The following SNX16 variants were observed in gnomAD, a reference collection of about 807,000 sequenced individuals.
The protein encoded by SNX16 is sorting nexin 16.
A neutral mutation model predicts 36.7 loss-of-function variants in SNX16; 35 were observed. The ratio of observed to expected loss-of-function variants is 0.95; its 90% CI spans 0.73 to 1.27. The LOEUF (loss-of-function observed/expected upper bound fraction) is 1.27, where lower values mean the gene tolerates loss of function less well. SNX16 is among the 50% of genes most tolerant of loss of function. SNX16 has a pLI of 0.00. For missense variants in SNX16, 367 were observed against 393.6 expected (o/e 0.93, Z 0.57); for synonymous variants, 134 against 132.0 (o/e 1.02, Z -0.10).
chr8:81,800,651 T>C lies in SNX16; in HGVS notation c.*846A>G, dbSNP rs1209990423. 6.6e-6 allele frequency: 1 copy of C among 152,246 alleles called. No homozygotes were observed. The highest frequency in any genetic ancestry group is 1.5e-5 in the Non-Finnish European group (1 of 67,690). The allele number at this position is 152,246 out of a possible 1,614,324, so 9.4% of individuals were successfully genotyped here. A position where few individuals can be genotyped will look rare whatever the true frequency, so the allele number is the denominator to read the frequency against. On this transcript the variant is annotated 3_prime_UTR_variant, in exon 8 of 8. Coordinates refer to ENST00000345957, the MANE Select transcript of SNX16 (RefSeq NM_152836.3). ...AGCCAGTTAGGAACTTTGCAGTATA[T>C]ATGGCTTTTTATTTTCTTTTTTGTA...
In SNX16 at chr8:81,801,490, T is replaced by A. The variant is rs976295500; in HGVS notation, c.*7A>T. The A allele has an allele frequency of 1.9e-6, 3 of 1,545,370 alleles. No homozygotes were observed. The highest frequency in any genetic ancestry group is 2.7e-5 in the African/African-American group (2 of 72,804). On this transcript the variant is annotated 3_prime_UTR_variant, in exon 8 of 8. Transcript: ENST00000345957. ...TAGTCTAAATGGAGGGAACTGCTTG[T>A]GATACATTAGTCTTCTTCAGCATCA...
intron 4 of SNX16, among the ~76,000 whole-genome samples, chr8:81,817,404 G>A (rs1052904970): frequency 2.6e-5 from 4 of 152,114 alleles, no homozygotes; most frequent in Non-Finnish European, 4.4e-5. Context: ...TCCAGCTGGA[G>A]GAATCATTTT....
chr8:81,813,337 T>G (rs954733319), intron 5 of SNX16, among the ~76,000 whole-genome samples: 42 of 151,908 alleles, frequency 2.8e-4, no homozygotes, highest in African/African-American at 9.9e-4. Flanking sequence ...TCATTTGATT[T>G]CTGACAGAAG....
Position 81,801,249 on chromosome 8 carries a change from T to G in SNX16, c.*248A>C. ...GCACAGTATTTAAGAATGTGGGCCT[T>G]GATAACAGAATTCCAACAAGATTTT... On this transcript the variant is annotated 3_prime_UTR_variant, in exon 8 of 8. Coordinates refer to ENST00000345957, the MANE Select transcript of SNX16 (RefSeq NM_152836.3). The G allele has an allele frequency of 3.1e-6, 1 of 321,494 alleles. No homozygotes were observed. Among genetic ancestry groups the G allele is most frequent in the Admixed American group, 4.7e-5 (1 of 21,064 alleles). The allele number at this position is 321,494 out of a possible 1,614,324, so 19.9% of individuals were successfully genotyped here.
chr8:81,816,891 T>C (rs1263145987), intron 4 of SNX16, among the ~76,000 whole-genome samples: 1 of 152,206 alleles, frequency 6.6e-6, no homozygotes, highest in Non-Finnish European at 1.5e-5. Context: ...TGCTGGACAC[T>C]TCTCTCTGAA....
chr8:81,803,164 T>C lies in SNX16; in HGVS notation c.746A>G (p.Lys249Arg). ...CAGTTTCTTTAGTGATTCCATCTCCTTTTGTTTTTCAAGTAGTTCTTTCTG... is the reference window on the plus strand; with the variant it reads ...CAGTTTCTTTAGTGATTCCATCTCCCTTTGTTTTTCAAGTAGTTCTTTCTG... Reference protein sequence around the residue: ...RLQKELLEKQKEMESLKKLLS... With the variant: ...RLQKELLEKQREMESLKKLLS... The change falls in exon 6 of 8, where the codon AAG becomes AGG. Residue 249 changes from lysine to arginine, a missense_variant. Physicochemically the swap from Lys to Arg is conservative, Grantham distance 26 (BLOSUM62 2). Transcript: ENST00000345957. 2 of 1,612,208 alleles carry C rather than the reference T, an allele frequency of 1.2e-6. No homozygotes were observed. Among genetic ancestry groups the C allele is most frequent in the Non-Finnish European group, 1.7e-6 (2 of 1,178,914 alleles).
chr8:81,800,387 A>C lies in SNX16; in HGVS notation c.*1110T>G, dbSNP rs770309202. ...AGCTGAAATAAACAAACATTTTTTCATAAAGCTGACTCAAAGACCCTAGGA... is the reference window on the plus strand; with the variant it reads ...AGCTGAAATAAACAAACATTTTTTCCTAAAGCTGACTCAAAGACCCTAGGA... On this transcript the variant is annotated 3_prime_UTR_variant, in exon 8 of 8. Transcript: ENST00000345957. 14 of 152,218 alleles carry C rather than the reference A, an allele frequency of 9.2e-5. No homozygotes were observed. Among genetic ancestry groups the C allele is most frequent in the Admixed American group, 2.6e-4 (4 of 15,252 alleles). The allele number at this position is 152,218 out of a possible 1,614,324, so 9.4% of individuals were successfully genotyped here. A position where few individuals can be genotyped will look rare whatever the true frequency, so the allele number is the denominator to read the frequency against.
In SNX16 at chr8:81,801,527, T is replaced by C. The variant is rs749468982; in HGVS notation, c.1005A>G (p.Ala335=). The change falls in exon 8 of 8, where the codon GCA becomes GCG. Residue 335 remains alanine, a synonymous_variant. Transcript: ENST00000345957. ...PENAVSEIEV[A]EVAYDAEED ...CTTCTTCAGCATCATATGCCACTTCTGCTACTTCTATCTCTGATACAGCAT... is the reference window on the plus strand; with the variant it reads ...CTTCTTCAGCATCATATGCCACTTCCGCTACTTCTATCTCTGATACAGCAT... The C allele has an allele frequency of 6.3e-7, 1 of 1,598,428 alleles. No individual in the cohort carries two copies. Among genetic ancestry groups the C allele is most frequent in the South Asian group, 1.1e-5 (1 of 90,310 alleles).
rs71268027 is a variant in SNX16 at position 81,807,518 on chromosome 8, C to CAAAA, written c.682-4294_682-4291dup. On this transcript the variant is annotated intron_variant, in intron 5 of 7. Coordinates refer to ENST00000345957, the MANE Select transcript of SNX16 (RefSeq NM_152836.3). ...TGGGTGACAGTTTGAGACTCTGTCT[C>CAAAA]AAAAAAAAAAAAAAAAAAAAAAAAA... is the stretch of plus-strand genomic sequence containing the variant. Among the ~76,000 whole-genome samples, 459 of 49,318 alleles carry CAAAA rather than the reference C, an allele frequency of 9.3e-3. 42 individuals carry two copies. Among genetic ancestry groups the CAAAA allele is most frequent in the Middle Eastern group, 0.028 (1 of 36 alleles). The allele number at this position is 49,318 out of a possible 152,430, so 32.4% of individuals were successfully genotyped here.
chr8:81,809,025 A>G lies in SNX16; in HGVS notation c.682-5797T>C, dbSNP rs1379709227. On this transcript the variant is annotated intron_variant, in intron 5 of 7. Coordinates refer to ENST00000345957, the MANE Select transcript of SNX16 (RefSeq NM_152836.3). Reference sequence around the variant, plus strand: ...TTTGCACCCAGGCTGTTGATTGCTAAATGTAATAGTCTGATTGTGATACTG... The same window carrying G: ...TTTGCACCCAGGCTGTTGATTGCTAGATGTAATAGTCTGATTGTGATACTG... 4.6e-5 allele frequency among the ~76,000 whole-genome samples: 7 copies of G among 152,100 alleles called. No individual in the cohort carries two copies. In the East Asian group the frequency reaches 1.3e-3, roughly 29 times the overall value.
At chr8:81,802,319 T>A (rs1429129291) in intron 7 of SNX16, 61 bp downstream of exon 7, 6 of 1,417,094 alleles carry the variant, frequency 4.2e-6, no homozygotes, top group Non-Finnish European at 5.7e-6. Context: ...CTATAGAGTA[T>A]TAGAATCACT....
chr8:81,830,334 C>T (rs574675775), intron 2 of SNX16, among the ~76,000 whole-genome samples: 1 of 152,086 alleles, frequency 6.6e-6, no homozygotes, highest in East Asian at 1.9e-4. Context: ...TTTTGGGAGG[C>T]CGAGGTGGGC....
At chr8:81,829,135 T>G (rs1811136918) in intron 3 of SNX16, among the ~76,000 whole-genome samples, 2 of 152,150 alleles carry the variant, frequency 1.3e-5, no homozygotes, top group Non-Finnish European at 2.9e-5. Flanking sequence ...TACAATATGT[T>G]AAATATGTTT....
At chr8:81,811,711 T>A (rs1810259966) in intron 5 of SNX16, among the ~76,000 whole-genome samples, 1 of 151,984 alleles carries the variant, frequency 6.6e-6, no homozygotes, top group South Asian at 2.1e-4. Flanking sequence ...AGATTAAGAA[T>A]CAAGAGTTGC....
At chr8:81,829,869 A>C (rs1318182745) in intron 2 of SNX16, among the ~76,000 whole-genome samples, 1 of 152,186 alleles carries the variant, frequency 6.6e-6, no homozygotes, top group Admixed American at 6.5e-5. Flanking sequence ...TGTTCTACAC[A>C]ATTTTTAAAC....
At position 81,810,548 on chromosome 8, in the gene SNX16, T is replaced by G. The variant is rs181002753; in HGVS notation, c.681+4777A>C. On this transcript the variant is annotated intron_variant, in intron 5 of 7. Coordinates refer to ENST00000345957, the MANE Select transcript of SNX16 (RefSeq NM_152836.3). ...AGAATTTCTTCATTCACTGTTCAAA[T>G]AAACATATATTTTCAAATACAACTG... 3.9e-5 allele frequency among the ~76,000 whole-genome samples: 6 copies of G among 152,296 alleles called. No individual in the cohort carries two copies. The East Asian group carries it at 1.2e-3, about 29-fold the overall frequency.
At chr8:81,836,147 G>A (rs1336519498) in intron 2 of SNX16, among the ~76,000 whole-genome samples, 1 of 152,164 alleles carries the variant, frequency 6.6e-6, no homozygotes, top group Non-Finnish European at 1.5e-5. Context: ...TCCATAGCAT[G>A]CTTCCTTCCC....
At chr8:81,813,476 T>C (rs890340452) in intron 5 of SNX16, among the ~76,000 whole-genome samples, 2 of 151,640 alleles carry the variant, frequency 1.3e-5, no homozygotes, top group East Asian at 1.9e-4. Flanking sequence ...AGAGCTAAAA[T>C]ATAAAATTAA....
chr8:81,827,394 T>C lies in SNX16; in HGVS notation c.462+2036A>G, dbSNP rs776949690. Among the ~76,000 whole-genome samples, 107 of 152,134 alleles carry C rather than the reference T, an allele frequency of 7.0e-4. 2 individuals are homozygous for C. The highest frequency in any genetic ancestry group is 1.3e-4 in the Non-Finnish European group (9 of 67,990). ...TCTGCATGATCAAAATTGTAATAAT[T>C]TCATTAAAAACTAAGTATTCCACTT... On this transcript the variant is annotated intron_variant, in intron 3 of 7. Coordinates refer to ENST00000345957, the MANE Select transcript of SNX16 (RefSeq NM_152836.3).
Sources: allele counts gnomAD v4.1 joint callset (sites outside exome capture counted in the v4.1 genomes callset), GRCh38; gene constraint gnomAD v4.1.1; transcripts MANE v1.5; gene names NCBI Gene and HGNC (gene_info 2026-07-23, HGNC 2026-07-21).